The following ARHGEF7 variants were observed in gnomAD, a reference collection of about 807,000 sequenced individuals.
ARHGEF7 encodes PAK-interacting exchange factor beta.
ARHGEF7 carries 33 observed loss-of-function variants against 109.8 expected under a neutral mutation model. The ratio of observed to expected loss-of-function variants is 0.30; its 90% CI spans 0.23 to 0.40. The LOEUF (loss-of-function observed/expected upper bound fraction) is 0.40, where lower values mean the gene tolerates loss of function less well. Among genes scored for constraint, ARHGEF7 ranks in the 10% least tolerant of loss-of-function variants. The pLI, the probability that ARHGEF7 is intolerant of heterozygous loss-of-function variation, is 1.00. For missense variants in ARHGEF7, 938 were observed against 1,098.5 expected, an observed-to-expected ratio of 0.85 and a Z score of 2.07; for synonymous variants, 458 against 424.6, an observed-to-expected ratio of 1.08 and a Z score of -0.97.
intron 2 of ARHGEF7, among the ~76,000 whole-genome samples, chr13:111,193,160 G>A (rs1369861290): frequency 6.6e-6 from 1 of 152,198 alleles, no homozygotes; most frequent in East Asian, 1.9e-4. Flanking sequence ...TCCACTGGAT[G>A]GCTTTGGGTA....
rs2090751043 is a variant in ARHGEF7 at position 111,258,765 on chromosome 13, G to A, written c.951-8783G>A. Among the ~76,000 whole-genome samples, 1 of 152,212 alleles carries A rather than the reference G, an allele frequency of 6.6e-6. No homozygotes were observed. The highest frequency in any genetic ancestry group is 2.4e-5 in the African/African-American group (1 of 41,448). ...CAGCCACAGTGAGGTGGAACATCAA[G>A]TGGGCTCTTGGGAGTCCCCAGTTTC... On this transcript the variant is annotated intron_variant, in intron 8 of 21. Coordinates refer to ENST00000646102, the MANE Select transcript of ARHGEF7 (RefSeq NM_001354046.2). This position sits in a 1 kb window ranked among gnomAD's most constrained non-coding sequence, Gnocchi z 4.4.
At chr13:111,166,694 G>A (rs1293049851) in intron 2 of ARHGEF7, among the ~76,000 whole-genome samples, 1 of 152,252 alleles carries the variant, frequency 6.6e-6, no homozygotes, top group African/African-American at 2.4e-5. Flanking sequence ...TTGTCTTTGG[G>A]ATGGGGAAGT....
At chr13:111,282,951 G>T in intron 15 of ARHGEF7, 188 bp from the exon 16 acceptor site, 1 of 823,226 alleles carries the variant, frequency 1.2e-6, no homozygotes, top group Non-Finnish European at 1.9e-6. Context: ...CGGCCCAGGT[G>T]GCGCGAGCTA....
At chr13:111,210,271 T>A (rs910354499) in intron 4 of ARHGEF7, among the ~76,000 whole-genome samples, 2 of 152,204 alleles carry the variant, frequency 1.3e-5, no homozygotes, top group Non-Finnish European at 2.9e-5. Flanking sequence ...GTGATGCTGC[T>A]TTAAAAAAAC....
chr13:111,150,189 C>T (rs1428658266), intron 1 of ARHGEF7, among the ~76,000 whole-genome samples: 2 of 152,210 alleles, frequency 1.3e-5, no homozygotes, highest in African/African-American at 4.8e-5. Context: ...TTAAGCATCT[C>T]AGAATAAGGG....
At chr13:111,120,652 G>A (rs542731096) in intron 1 of ARHGEF7, among the ~76,000 whole-genome samples, 2 of 152,270 alleles carry the variant, frequency 1.3e-5, no homozygotes, top group Admixed American at 6.5e-5. Context: ...CTCAGGACCC[G>A]GCCCTCATTC....
chr13:111,302,733 A>T (rs1430467902), intron 21 of ARHGEF7, among the ~76,000 whole-genome samples: 1 of 152,166 alleles, frequency 6.6e-6, no homozygotes, highest in African/African-American at 2.4e-5. Flanking sequence ...GGTATGTTCT[A>T]TAGAGATTCA....
intron 2 of ARHGEF7, among the ~76,000 whole-genome samples, chr13:111,165,571 C>T (rs947600031): frequency 7.2e-5 from 11 of 152,178 alleles, no homozygotes; most frequent in Admixed American, 5.2e-4. Context: ...GAGGAACAAG[C>T]GTTCTGGTTT....
intron 8 of ARHGEF7, among the ~76,000 whole-genome samples, chr13:111,245,125 A>G (rs531090639): frequency 5.9e-5 from 9 of 152,270 alleles, no homozygotes; most frequent in East Asian, 3.9e-4. Context: ...CTGTTGACCA[A>G]TGCCGGCTGC....
intron 6 of ARHGEF7, among the ~76,000 whole-genome samples, chr13:111,235,084 A>G (rs1390231187): frequency 6.6e-6 from 1 of 152,220 alleles, no homozygotes; most frequent in Non-Finnish European, 1.5e-5. Flanking sequence ...TGTATAAGAC[A>G]CTGCTTTTTT....
intron 19 of ARHGEF7, chr13:111,294,513 G>A (rs1289953219): frequency 6.0e-5 from 59 of 985,274 alleles, no homozygotes; most frequent in Non-Finnish European, 7.0e-5. Flanking sequence ...ACCAGTTAAA[G>A]GCATTTTGAT....
At chr13:111,166,026 A>G (rs545420895) in intron 2 of ARHGEF7, among the ~76,000 whole-genome samples, 122 of 152,242 alleles carry the variant, frequency 8.0e-4, no homozygotes, top group Non-Finnish European at 1.5e-3. Flanking sequence ...GCCATTAATC[A>G]TCTGTCACAT....
At chr13:111,247,162 C>G (rs2089004846) in intron 8 of ARHGEF7, among the ~76,000 whole-genome samples, 1 of 152,074 alleles carries the variant, frequency 6.6e-6, no homozygotes, top group African/African-American at 2.4e-5. Flanking sequence ...CTGAAATTTT[C>G]ATCATTTCCA....
rs1310940247 is a variant in ARHGEF7 at position 111,131,436 on chromosome 13, G to A, written c.165+15745G>A. Among the ~76,000 whole-genome samples, 1 of 152,132 alleles carries A rather than the reference G, an allele frequency of 6.6e-6. No homozygotes were observed. The highest frequency in any genetic ancestry group is 2.4e-5 in the African/African-American group (1 of 41,432). On this transcript the variant is annotated intron_variant, in intron 1 of 21. Transcript: ENST00000646102. The surrounding 1 kb of genome is among the most constrained non-coding windows in gnomAD (Gnocchi z 4.4). ...GTTGGGTGTGTCGTTGGAGGCATCC[G>A]CATAGAGCTGTTGGAGCTTAGAGGC...
chr13:111,268,240 T>C (rs1291539393), intron 9 of ARHGEF7, among the ~76,000 whole-genome samples: 1 of 152,146 alleles, frequency 6.6e-6, no homozygotes, highest in Non-Finnish European at 1.5e-5. Context: ...TCTCAGTCAT[T>C]AGTGAGTGTT....
At position 111,267,529 on chromosome 13, in the gene ARHGEF7, TTG is replaced by T; in HGVS notation, c.951-15_951-14del. 6.2e-7 allele frequency: 1 copy of T among 1,613,194 alleles called. No individual in the cohort carries two copies. The highest frequency in any genetic ancestry group is 8.5e-7 in the Non-Finnish European group (1 of 1,179,482). On this transcript the variant is annotated splice_polypyrimidine_tract_variant and intron_variant, in intron 8 of 21. Transcript: ENST00000646102. Reference sequence around the variant, plus strand: ...CTGTAAAACTGATGACTATTTCCCTTTGTGTCGCATTTCTCCAGGTTGCCCGA... The same window carrying T: ...CTGTAAAACTGATGACTATTTCCCTTTGTCGCATTTCTCCAGGTTGCCCGA...
chr13:111,138,669 T>C (rs967227888), intron 1 of ARHGEF7, among the ~76,000 whole-genome samples: 1 of 152,172 alleles, frequency 6.6e-6, no homozygotes, highest in African/African-American at 2.4e-5. Context: ...CACCGTCCTT[T>C]CGGCAAAACC....
At position 111,127,772 on chromosome 13, in the gene ARHGEF7, A is replaced by C. The variant is rs552664822; in HGVS notation, c.165+12081A>C. ...GGTAACAAAACCTGACAAAAATATT[A>C]TAAGAAAAGACTATAGGCCAATAAC... On this transcript the variant is annotated intron_variant, in intron 1 of 21. Coordinates refer to ENST00000646102, the MANE Select transcript of ARHGEF7 (RefSeq NM_001354046.2). Among the ~76,000 whole-genome samples the C allele has an allele frequency of 5.3e-5, 8 of 152,228 alleles. No individual in the cohort carries two copies. The South Asian group carries it at 1.7e-3, about 32-fold the overall frequency.
chr13:111,196,076 T>C (rs2080465633), intron 2 of ARHGEF7, among the ~76,000 whole-genome samples: 1 of 152,190 alleles, frequency 6.6e-6, no homozygotes, highest in African/African-American at 2.4e-5. Flanking sequence ...GGGAGTCGGG[T>C]GACAGGGTAG....
Sources: allele counts gnomAD v4.1 joint callset (sites outside exome capture counted in the v4.1 genomes callset), GRCh38; gene constraint gnomAD v4.1.1; non-coding constraint Gnocchi (gnomAD v3.1); transcripts MANE v1.5; gene names NCBI Gene and HGNC (gene_info 2026-07-23, HGNC 2026-07-21).